Variants in RANBP2 observed in about 807,000 individuals in gnomAD.
RANBP2 encodes the protein E3 SUMO-protein ligase RanBP2.
In RANBP2, 57 loss-of-function variants were observed where a neutral mutation model predicts 303.6. The ratio of observed to expected loss-of-function variants is 0.19; its 90% CI spans 0.15 to 0.23. The LOEUF (loss-of-function observed/expected upper bound fraction) is 0.23. Among genes scored for constraint, RANBP2 ranks in the 10% least tolerant of loss-of-function variants. RANBP2 has a pLI of 1.00. For missense variants in RANBP2, 3,138 were observed against 3,780.8 expected (o/e 0.83, Z 4.46); for synonymous variants, 1,167 against 1,301.5 (o/e 0.90, Z 2.23).
chr2:109,498,253 A>G, the RANBP2 span, among the ~76,000 whole-genome samples: 1 of 152,156 alleles, frequency 6.6e-6, no homozygotes, highest in African/African-American at 2.4e-5. Context: ...GCTCTGAGAC[A>G]CTTAGAGTTG....
the RANBP2 span, among the ~76,000 whole-genome samples, chr2:108,793,387 C>CT: frequency 6.6e-5 from 10 of 151,830 alleles, no homozygotes; most frequent in Non-Finnish European, 1.2e-4. Flanking sequence ...ATTTTATACT[C>CT]TAATTGTTAA....
At chr2:109,445,643 TATATG>T in the RANBP2 span, among the ~76,000 whole-genome samples, 2 of 151,782 alleles carry the variant, frequency 1.3e-5, no homozygotes, top group African/African-American at 4.8e-5. Flanking sequence ...AGAGGCTAAA[TATATG>T]AGAGAAGGGA....
At chr2:108,866,665 A>C in the RANBP2 span, among the ~76,000 whole-genome samples, 2 of 152,154 alleles carry the variant, frequency 1.3e-5, no homozygotes, top group African/African-American at 2.4e-5. Flanking sequence ...CAGGTGGATC[A>C]CGAGGTCAGG....
At chr2:108,925,915 C>A in the RANBP2 span, among the ~76,000 whole-genome samples, 42 of 152,246 alleles carry the variant, frequency 2.8e-4, no homozygotes, top group Non-Finnish European at 5.0e-4. Context: ...CGAGCCTGAC[C>A]GGTGATAAAC....
At chr2:109,312,390 T>C in the RANBP2 span, among the ~76,000 whole-genome samples, 2 of 152,200 alleles carry the variant, frequency 1.3e-5, no homozygotes, top group East Asian at 3.9e-4. Context: ...TGAAAGTCAT[T>C]ATAAAGTGTG....
chr2:109,159,878 G>A, the RANBP2 span, among the ~76,000 whole-genome samples: 2 of 152,182 alleles, frequency 1.3e-5, no homozygotes, highest in African/African-American at 2.4e-5. Context: ...CTGTCTAGTT[G>A]CAGAAAAGCA....
chr2:109,200,841 C>T, the RANBP2 span, among the ~76,000 whole-genome samples: 2 of 152,252 alleles, frequency 1.3e-5, no homozygotes. Context: ...AAAAGCTTTT[C>T]CCCTAAGTGC....
At chr2:109,083,119 C>T in the RANBP2 span, among the ~76,000 whole-genome samples, 1 of 152,248 alleles carries the variant, frequency 6.6e-6, no homozygotes, top group African/African-American at 2.4e-5. Context: ...AGCCACCATG[C>T]CCGGCCAAGA....
chr2:109,036,790 T>C, the RANBP2 span, among the ~76,000 whole-genome samples: 3 of 152,178 alleles, frequency 2.0e-5, no homozygotes, highest in African/African-American at 7.2e-5. Context: ...GGCGGATTGC[T>C]TGAGCCCAGA....
At chr2:109,128,083 A>G in the RANBP2 span, 2 of 152,170 alleles carry the variant, frequency 1.3e-5, no homozygotes, top group Admixed American at 6.5e-5. Flanking sequence ...GCAGCGTCCA[A>G]CCAATCCTGG....
chr2:109,510,260 T>A, the RANBP2 span, among the ~76,000 whole-genome samples: 3,626 of 152,240 alleles, frequency 0.024, 128 homozygotes, highest in African/African-American at 0.082. Flanking sequence ...GAGGCAGTGT[T>A]TCCTGGGCTC....
chr2:109,066,136 T>C, the RANBP2 span, among the ~76,000 whole-genome samples: 5 of 151,516 alleles, frequency 3.3e-5, no homozygotes, highest in African/African-American at 1.2e-4. Context: ...TGAGACATAG[T>C]ATCGCTCTGT....
the RANBP2 span, among the ~76,000 whole-genome samples, chr2:109,582,773 A>G: frequency 1.3e-5 from 2 of 152,246 alleles, no homozygotes; most frequent in African/African-American, 4.8e-5. Context: ...CCTGACTTCA[A>G]ACTATACTAT....
At chr2:109,730,392 A>G in the RANBP2 span, among the ~76,000 whole-genome samples, 1 of 152,212 alleles carries the variant, frequency 6.6e-6, no homozygotes, top group Non-Finnish European at 1.5e-5. Context: ...GTCCCCTTTG[A>G]GGCTACTTCA....
intron 17 of RANBP2, among the ~76,000 whole-genome samples, chr2:108,757,337 A>G (rs1266784610): frequency 6.6e-6 from 1 of 152,204 alleles, no homozygotes; most frequent in African/African-American, 2.4e-5. Context: ...TCTATCTGCC[A>G]TCTTGTCAAG....
chr2:108,811,345 A>C, the RANBP2 span, among the ~76,000 whole-genome samples: 1 of 147,284 alleles, frequency 6.8e-6, no homozygotes, highest in Admixed American at 6.9e-5. Flanking sequence ...CCAGGGCTTA[A>C]ACCACGCTTC....
the RANBP2 span, among the ~76,000 whole-genome samples, chr2:109,493,428 A>C: frequency 6.6e-6 from 1 of 151,478 alleles, no homozygotes; most frequent in Non-Finnish European, 1.5e-5. Flanking sequence ...ATGCAAACAC[A>C]GACTACACAC....
chr2:109,386,630 C>T, the RANBP2 span, among the ~76,000 whole-genome samples: 1 of 152,188 alleles, frequency 6.6e-6, no homozygotes, highest in Non-Finnish European at 1.5e-5. Flanking sequence ...ATCCCTACCA[C>T]TTTCTGAGCT....
At chr2:108,901,239 C>G in the RANBP2 span, among the ~76,000 whole-genome samples, 1 of 152,068 alleles carries the variant, frequency 6.6e-6, no homozygotes, top group Non-Finnish European at 1.5e-5. Context: ...TCTAAATAAT[C>G]CACAGGTCAA....
Sources: allele counts gnomAD v4.1 joint callset (sites outside exome capture counted in the v4.1 genomes callset), GRCh38; gene constraint gnomAD v4.1.1; transcripts MANE v1.5; gene names NCBI Gene and HGNC (gene_info 2026-07-23, HGNC 2026-07-21).